Variants in LRRC8D observed in about 807,000 individuals in gnomAD.
LRRC8D encodes the protein volume-regulated anion channel subunit LRRC8D.
A neutral mutation model predicts 55.8 loss-of-function variants in LRRC8D; 20 were observed. The observed-to-expected ratio is 0.36, with a 90% CI of 0.25 to 0.52. The LOEUF is 0.52. Among genes scored for constraint, LRRC8D ranks in the 20% least tolerant of loss-of-function variants. The pLI, the probability that LRRC8D is intolerant of heterozygous loss-of-function variation, is 0.93. For missense variants in LRRC8D, 651 were observed against 1,030.8 expected (o/e 0.63, Z 5.05); for synonymous variants, 352 against 377.0 (o/e 0.93, Z 0.77).
At position 89,912,641 on chromosome 1, in the gene LRRC8D, G is replaced by A. The variant is rs75329567; in HGVS notation, c.-2-20426G>A. ...GTCTGGTGCATTTTGGCTCTCACAA[G>A]TCTTACCCTGTTAATTTGTTACAGT... is the stretch of plus-strand genomic sequence containing the variant. On this transcript the variant is annotated intron_variant, in intron 2 of 2. Coordinates refer to ENST00000337338, the MANE Select transcript of LRRC8D (RefSeq NM_001134479.2). 4.1e-3 allele frequency among the ~76,000 whole-genome samples: 619 copies of A among 152,110 alleles called. 2 individuals carry two copies. Among genetic ancestry groups the A allele is most frequent in the African/African-American group, 0.014 (599 of 41,486 alleles).
chr1:89,845,397 T>A (rs757147432), intron 2 of LRRC8D, among the ~76,000 whole-genome samples: 1 of 152,236 alleles, frequency 6.6e-6, no homozygotes, highest in Non-Finnish European at 1.5e-5. Context: ...TTATGCCTCT[T>A]CTTGCCAAAT....
At chr1:89,887,948 A>G (rs1662466264) in intron 2 of LRRC8D, among the ~76,000 whole-genome samples, 1 of 152,206 alleles carries the variant, frequency 6.6e-6, no homozygotes, top group South Asian at 2.1e-4. Context: ...TGAGTTTATT[A>G]TCTGATGCCA....
At chr1:89,870,991 T>C (rs984775843) in intron 2 of LRRC8D, among the ~76,000 whole-genome samples, 1 of 152,240 alleles carries the variant, frequency 6.6e-6, no homozygotes, top group African/African-American at 2.4e-5. Context: ...AATCCTACTT[T>C]AAGTTGGTTC....
At chr1:89,832,533 T>C (rs1002894346) in intron 1 of LRRC8D, among the ~76,000 whole-genome samples, 1 of 152,254 alleles carries the variant, frequency 6.6e-6, no homozygotes, top group Non-Finnish European at 1.5e-5. Context: ...TTCTATTTGT[T>C]ACTTTAGTGC....
At chr1:89,856,625 T>G (rs930894177) in intron 2 of LRRC8D, among the ~76,000 whole-genome samples, 2 of 152,222 alleles carry the variant, frequency 1.3e-5, no homozygotes, top group African/African-American at 4.8e-5. Context: ...AGCAGTTTAC[T>G]GCTATGATCT....
At chr1:89,920,714 A>C (rs1358491674) in intron 2 of LRRC8D, among the ~76,000 whole-genome samples, 1 of 151,278 alleles carries the variant, frequency 6.6e-6, no homozygotes, top group African/African-American at 2.4e-5. Context: ...AAAAAAAAAA[A>C]AACTAAATCA....
At chr1:89,877,372 A>G (rs1054720984) in intron 2 of LRRC8D, among the ~76,000 whole-genome samples, 47 of 152,228 alleles carry the variant, frequency 3.1e-4, no homozygotes, top group Non-Finnish European at 1.5e-5. Context: ...GGATAATAAC[A>G]GTACCTTTTA....
chr1:89,839,593 A>T (rs1449204569), intron 1 of LRRC8D, among the ~76,000 whole-genome samples: 2 of 152,188 alleles, frequency 1.3e-5, no homozygotes, highest in Admixed American at 1.3e-4. Context: ...GGTAAATGCC[A>T]ATCAGGCCAG....
chr1:89,862,762 C>T (rs192365850), intron 2 of LRRC8D, among the ~76,000 whole-genome samples: 1 of 152,174 alleles, frequency 6.6e-6, no homozygotes, highest in Admixed American at 6.5e-5. Flanking sequence ...CTTTTTTTTA[C>T]ATTTCCTGCT....
chr1:89,891,517 T>C (rs975981655), intron 2 of LRRC8D, among the ~76,000 whole-genome samples: 10 of 152,232 alleles, frequency 6.6e-5, no homozygotes, highest in Non-Finnish European at 1.3e-4. Context: ...CTCATACTTT[T>C]GCTCACTACT....
At chr1:89,843,997 C>T (rs1237033323) in intron 2 of LRRC8D, among the ~76,000 whole-genome samples, 2 of 152,258 alleles carry the variant, frequency 1.3e-5, no homozygotes, top group East Asian at 1.9e-4. Context: ...GCGGAGCCGC[C>T]TGCGAGGACT....
chr1:89,892,492 T>A (rs1215036820), intron 2 of LRRC8D, among the ~76,000 whole-genome samples: 1 of 152,200 alleles, frequency 6.6e-6, no homozygotes, highest in Non-Finnish European at 1.5e-5. Context: ...CTGTAAGGAA[T>A]CTACAGAACC....
At chr1:89,890,198 T>TA (rs909516260) in intron 2 of LRRC8D, among the ~76,000 whole-genome samples, 9 of 151,686 alleles carry the variant, frequency 5.9e-5, no homozygotes, top group Admixed American at 1.3e-4. Flanking sequence ...AATAAATAAA[T>TA]AAATAAAATA....
chr1:89,867,971 G>C (rs1381951307), intron 2 of LRRC8D, among the ~76,000 whole-genome samples: 1 of 152,158 alleles, frequency 6.6e-6, no homozygotes, highest in Non-Finnish European at 1.5e-5. Context: ...CTGTTGGCAG[G>C]TTAGGTTTTA....
At chr1:89,905,387 A>G (rs148572765) in intron 2 of LRRC8D, among the ~76,000 whole-genome samples, 127 of 152,356 alleles carry the variant, frequency 8.3e-4, no homozygotes, top group African/African-American at 3.0e-3. Context: ...ATACTCATTC[A>G]TGAACAAATA....
chr1:89,840,300 G>A (rs936129236), intron 1 of LRRC8D, among the ~76,000 whole-genome samples: 3 of 152,200 alleles, frequency 2.0e-5, no homozygotes, highest in Non-Finnish European at 2.9e-5. Context: ...CAGAAGGAGC[G>A]GGCGAATAGC....
rs1217544064 is a variant in LRRC8D at position 89,822,056 on chromosome 1, G to A, written c.-148+765G>A. On this transcript the variant is annotated intron_variant, in intron 1 of 2. Transcript: ENST00000337338. The stretch of plus-strand genomic sequence containing the variant: ...GACCAGCACCTCCAGTTACTGGAGG[G>A]TTGATAGGGGCCTTCTCCTTTCCGT... 3.3e-5 allele frequency: 5 copies of A among 152,710 alleles called. No individual in the cohort carries two copies. In the East Asian group the frequency reaches 7.7e-4, roughly 24 times the overall value. The allele number at this position is 152,710 out of a possible 1,614,324, so 9.5% of individuals were successfully genotyped here.
intron 2 of LRRC8D, among the ~76,000 whole-genome samples, chr1:89,868,224 T>G (rs1661901276): frequency 6.6e-6 from 1 of 152,196 alleles, no homozygotes; most frequent in Non-Finnish European, 1.5e-5. Context: ...CACAAAATAT[T>G]TATTCTGGGT....
Position 89,932,228 on chromosome 1 carries a change from G to A in LRRC8D, c.-2-839G>A, listed in dbSNP as rs534884107. 3.3e-5 allele frequency among the ~76,000 whole-genome samples: 5 copies of A among 152,282 alleles called. No individual in the cohort carries two copies. The South Asian group carries it at 1.0e-3, about 32-fold the overall frequency. On this transcript the variant is annotated intron_variant, in intron 2 of 2. Coordinates refer to ENST00000337338, the MANE Select transcript of LRRC8D (RefSeq NM_001134479.2). ...CGGGTCACCTGCTTTGGTAGAGATC[G>A]TATGTCTTCCTGGTGCTGACTTATT...
Sources: allele counts gnomAD v4.1 joint callset (sites outside exome capture counted in the v4.1 genomes callset), GRCh38; gene constraint gnomAD v4.1.1; transcripts MANE v1.5; gene names NCBI Gene and HGNC (gene_info 2026-07-23, HGNC 2026-07-21).